MDM1: variants seen among roughly 807,000 people sequenced by gnomAD.
The protein encoded by MDM1 is stabilizer of axonemal microtubules 6.
A neutral mutation model predicts 89.1 loss-of-function variants in MDM1; 61 were observed. The observed-to-expected ratio is 0.68, with a 90% confidence interval of 0.56 to 0.85. The LOEUF (loss-of-function observed/expected upper bound fraction) is 0.85, where lower values mean the gene tolerates loss of function less well. Ranked by LOEUF, MDM1 falls within the 40% of genes least tolerant of loss-of-function variation. The probability of loss-of-function intolerance (pLI) is 0.00; values close to 1 mark genes in which losing one functional copy is unlikely to be tolerated. For missense variants in MDM1, 820 were observed against 846.5 expected (o/e 0.97, Z 0.39); for synonymous variants, 290 against 294.1 (o/e 0.99, Z 0.14).
Position 68,295,078 on chromosome 12 carries a change from A to G in MDM1, c.*176T>C, listed in dbSNP as rs1019177642. 2 of 418,610 alleles carry G rather than the reference A, an allele frequency of 4.8e-6. No homozygotes were observed. Among genetic ancestry groups the G allele is most frequent in the Non-Finnish European group, 8.7e-6 (2 of 229,424 alleles). The allele number at this position is 418,610 out of a possible 1,614,324, so 25.9% of individuals were successfully genotyped here. On this transcript the variant is annotated 3_prime_UTR_variant, in exon 15 of 15. Transcript: ENST00000682720. ...GGATAGATGTAAAAAGAATTCTTTAAAAGTTAAATTTGTATAAGCCTATGT... is the reference window on the plus strand; with the variant it reads ...GGATAGATGTAAAAAGAATTCTTTAGAAGTTAAATTTGTATAAGCCTATGT...
intron 2 of MDM1, among the ~76,000 whole-genome samples, chr12:68,328,921 C>A (rs1298417845): frequency 1.3e-5 from 2 of 152,176 alleles, no homozygotes; most frequent in Non-Finnish European, 2.9e-5. Context: ...AACGTTCCTC[C>A]CCTAGTCCAT....
rs773756663 is a variant in MDM1, at chr12:68,316,175, G to T, written c.1114C>A (p.Gln372Lys). 27 of 1,614,054 alleles carry T rather than the reference G, an allele frequency of 1.7e-5. 2 individuals carry two copies. In the South Asian group the frequency reaches 3.0e-4, roughly 18 times the overall value. ...GTHFSRDHLN[Q>K]ILSDSNCCWD... ...CAGCAGTTGCTATCAGATAAAATCTGATTCAGATGGTCCCGAGAAAAATGC... is the reference window on the plus strand; with the variant it reads ...CAGCAGTTGCTATCAGATAAAATCTTATTCAGATGGTCCCGAGAAAAATGC... Residue 372 changes from glutamine to lysine, a missense_variant, in exon 9 of 15, where the codon CAG (glutamine) becomes AAG (lysine). Transcript: ENST00000682720.
chr12:68,325,950 C>T (rs776762312), intron 3 of MDM1: 1 of 995,474 alleles, frequency 1.0e-6, no homozygotes, highest in South Asian at 4.6e-5. Flanking sequence ...CTGCCAGACT[C>T]ACACATCACC....
intron 7 of MDM1, among the ~76,000 whole-genome samples, chr12:68,318,681 C>A (rs1874816030): frequency 6.6e-6 from 1 of 152,066 alleles, no homozygotes; most frequent in Non-Finnish European, 1.5e-5. Flanking sequence ...AGAACAATCC[C>A]TATAGCCAAC....
intron 3 of MDM1, 123 bp from the exon 4 acceptor site, chr12:68,325,698 C>A (rs1176690493): frequency 7.5e-7 from 1 of 1,341,354 alleles, no homozygotes; most frequent in Non-Finnish European, 9.6e-7. Flanking sequence ...ATCTACAGTG[C>A]AAAATTGTTA....
At chr12:68,327,401 T>C in intron 2 of MDM1, 3 of 1,535,742 alleles carry the variant, frequency 2.0e-6, no homozygotes, top group Non-Finnish European at 2.6e-6. Flanking sequence ...GCCCTGGTAC[T>C]GTCAAAATTT....
chr12:68,316,647 T>C (rs570387711), intron 7 of MDM1, 37 bp from the exon 8 acceptor site: 59 of 1,462,848 alleles, frequency 4.0e-5, no homozygotes, highest in Non-Finnish European at 5.2e-5. Flanking sequence ...TAATGATAGG[T>C]TAATGCCATA....
intron 12 of MDM1, among the ~76,000 whole-genome samples, chr12:68,307,607 C>G (rs1423140456): frequency 6.6e-6 from 1 of 152,152 alleles, no homozygotes; most frequent in Non-Finnish European, 1.5e-5. Flanking sequence ...CACCAATGCA[C>G]TCTGGCCTGG....
chr12:68,316,242 G>T lies in MDM1; in HGVS notation c.1047C>A (p.Leu349=). ...NAMWYAEVKE[L]REKAEFYRKR... ...TCCTATAAAACTCAGCCTTTTCTCG[G>T]AGTTCTTTAACCTATTCAGGAGAGT... The change falls in exon 9 of 15, where the codon CTC becomes CTA. Residue 349 remains leucine, a synonymous_variant. Coordinates refer to ENST00000682720, the MANE Select transcript of MDM1 (RefSeq NM_001354969.2). 6.2e-7 allele frequency: 1 copy of T among 1,613,184 alleles called. No individual in the cohort carries two copies. Among genetic ancestry groups the T allele is most frequent in the Non-Finnish European group, 8.5e-7 (1 of 1,179,560 alleles).
At chr12:68,331,012 C>A in intron 2 of MDM1, 95 bp downstream of exon 2, 1 of 714,802 alleles carries the variant, frequency 1.4e-6, no homozygotes, top group Non-Finnish European at 2.5e-6. Flanking sequence ...ATTTGGTAAA[C>A]TTAGCCCAAG....
Position 68,296,050 on chromosome 12 carries a change from G to GT in MDM1, c.2063-685dup, listed in dbSNP as rs375072307. Among the ~76,000 whole-genome samples the GT allele has an allele frequency of 1.5e-3, 223 of 152,308 alleles. 1 individual carries two copies. Among genetic ancestry groups the GT allele is most frequent in the African/African-American group, 4.9e-3 (203 of 41,558 alleles). ...GCTAAACGGAAAGAAAGTCTTTAAT[G>GT]TATGATACAGAGTATGAAATTTAAA... is the stretch of plus-strand genomic sequence containing the variant. On this transcript the variant is annotated intron_variant, in intron 14 of 14. Coordinates refer to ENST00000682720, the MANE Select transcript of MDM1 (RefSeq NM_001354969.2).
chr12:68,332,013 C>G, intron 1 of MDM1: 1 of 714,526 alleles, frequency 1.4e-6, no homozygotes, highest in Non-Finnish European at 2.5e-6. Context: ...TCTGACTCTT[C>G]GACACACTGC....
chr12:68,312,563 C>G (rs1033215340), intron 12 of MDM1, among the ~76,000 whole-genome samples: 1 of 152,174 alleles, frequency 6.6e-6, no homozygotes, highest in Non-Finnish European at 1.5e-5. Context: ...TTTTATGCCC[C>G]AGCTCTTGCT....
chr12:68,319,518 C>T (rs1487849477), intron 7 of MDM1, among the ~76,000 whole-genome samples: 2 of 152,306 alleles, frequency 1.3e-5, no homozygotes, highest in African/African-American at 2.4e-5. Context: ...TGAAGGAGTA[C>T]TGTACCTTAT....
intron 3 of MDM1, chr12:68,325,977 AC>A: frequency 1.0e-6 from 1 of 993,124 alleles, no homozygotes. Context: ...GTTCCCTTTC[AC>A]CCCCAGCTTT....
chr12:68,329,939 AC>A (rs1269543470), intron 2 of MDM1, among the ~76,000 whole-genome samples: 27 of 152,176 alleles, frequency 1.8e-4, no homozygotes, highest in African/African-American at 5.8e-4. Flanking sequence ...TGGTTCTGCC[AC>A]TTACTAGCTG....
chr12:68,319,970 C>G (rs1018766043), intron 7 of MDM1, among the ~76,000 whole-genome samples: 10 of 152,158 alleles, frequency 6.6e-5, no homozygotes, highest in Non-Finnish European at 1.2e-4. Flanking sequence ...TTAAAGAAAT[C>G]GCTGCTCGGC....
Position 68,316,129 on chromosome 12 carries a change from G to A in MDM1, c.1160C>T (p.Thr387Ile), listed in dbSNP as rs1306709146. 7 of 1,613,900 alleles carry A rather than the reference G, an allele frequency of 4.3e-6. No homozygotes were observed. The highest frequency in any genetic ancestry group is 5.9e-6 in the Non-Finnish European group (7 of 1,179,886). The change falls in exon 9 of 15, where the codon ACA (threonine) becomes ATA (isoleucine). Residue 387 changes from threonine (T) to isoleucine (I), a missense_variant. Coordinates refer to ENST00000682720, the MANE Select transcript of MDM1 (RefSeq NM_001354969.2). ...SNCCWDVSST[T>I]SSEGTVSSNI... is the part of the protein sequence containing the mutation. ...GCTACTAACGGTTCCTTCTGAGCTT[G>A]TGGTTGAGGAGACATCCCAACAGCA...
intron 3 of MDM1, 75 bp from the exon 4 acceptor site, chr12:68,325,650 T>C: frequency 7.1e-7 from 1 of 1,407,162 alleles, no homozygotes; most frequent in South Asian, 1.9e-5. Flanking sequence ...TGGTAAAAAA[T>C]GCATAACATG....
Sources: gnomAD v4.1 joint callset for allele counts (sites outside exome capture counted in the v4.1 genomes callset) on GRCh38, gnomAD v4.1.1 for gene constraint, MANE v1.5 for transcripts, NCBI Gene and HGNC (gene_info 2026-07-23, HGNC 2026-07-21) for gene names.